The following NOVA1 variants were observed in gnomAD, a reference collection of about 807,000 sequenced individuals.
The protein encoded by NOVA1 is RNA-binding protein Nova-1.
A neutral mutation model predicts 38.0 loss-of-function variants in NOVA1; 7 were observed. That is an observed-to-expected ratio of 0.18 (90% CI 0.10 to 0.35). The LOEUF (loss-of-function observed/expected upper bound fraction) is 0.35. Among genes scored for constraint, NOVA1 ranks in the 10% least tolerant of loss-of-function variants. The pLI, the probability that NOVA1 is intolerant of heterozygous loss-of-function variation, is 1.00. For synonymous variants in NOVA1, 270 were observed against 232.5 expected (o/e 1.16, Z -1.47); for missense variants, 460 against 616.0 (o/e 0.75, Z 2.68).
At chr14:26,595,757 T>G in intron 1 of NOVA1, 1 of 501,468 alleles carries the variant, frequency 2.0e-6, no homozygotes, top group South Asian at 3.0e-5. Flanking sequence ...TTTATAGGAT[T>G]TATACTTTCA....
intron 2 of NOVA1, among the ~76,000 whole-genome samples, chr14:26,508,867 T>A (rs868319619): frequency 6.6e-5 from 10 of 151,412 alleles, no homozygotes; most frequent in South Asian, 4.2e-4. Context: ...AAAGAAAAAA[T>A]TTAATAGAAG....
chr14:26,570,079 T>C (rs552430180), intron 2 of NOVA1, among the ~76,000 whole-genome samples: 1 of 152,178 alleles, frequency 6.6e-6, no homozygotes, highest in African/African-American at 2.4e-5. Flanking sequence ...GGATGCAGTG[T>C]CTCATGCCTG....
chr14:26,586,979 C>T (rs547746431), intron 2 of NOVA1, among the ~76,000 whole-genome samples: 2 of 148,062 alleles, frequency 1.4e-5, no homozygotes, highest in East Asian at 3.9e-4. Context: ...GGACTTACTT[C>T]CTCAGAGTCA....
At chr14:26,461,543 C>G (rs1489873093) in intron 4 of NOVA1, among the ~76,000 whole-genome samples, 1 of 151,968 alleles carries the variant, frequency 6.6e-6, no homozygotes, top group Non-Finnish European at 1.5e-5. Context: ...CTAGCAAACT[C>G]AGAAGTCTGC....
At chr14:26,557,418 G>C (rs1197747318) in intron 2 of NOVA1, among the ~76,000 whole-genome samples, 1 of 152,094 alleles carries the variant, frequency 6.6e-6, no homozygotes, top group Non-Finnish European at 1.5e-5. Flanking sequence ...GCCCAGGCTT[G>C]AGTGCAGGCT....
intron 1 of NOVA1, chr14:26,597,029 G>C (rs775236546): frequency 3.0e-5 from 36 of 1,205,138 alleles, no homozygotes; most frequent in Non-Finnish European, 3.6e-5. Context: ...CCTCTGGACC[G>C]ATTAAATGGA....
chr14:26,502,872 G>T (rs1311053842), intron 2 of NOVA1, among the ~76,000 whole-genome samples: 1 of 152,002 alleles, frequency 6.6e-6, no homozygotes, highest in African/African-American at 2.4e-5. Flanking sequence ...TTCTCAAGAT[G>T]ACATTTTAGG....
At chr14:26,497,102 AG>A in intron 2 of NOVA1, among the ~76,000 whole-genome samples, 1 of 152,222 alleles carries the variant, frequency 6.6e-6, no homozygotes, top group East Asian at 1.9e-4. Flanking sequence ...GCAAAGTCTC[AG>A]GATACAAAAT....
At chr14:26,595,097 A>G (rs1325938644) in intron 2 of NOVA1, among the ~76,000 whole-genome samples, 3 of 151,986 alleles carry the variant, frequency 2.0e-5, no homozygotes, top group African/African-American at 7.2e-5. Flanking sequence ...GAAGAACCCT[A>G]TTTCCTGATG....
chr14:26,478,222 C>G (rs978348850), intron 3 of NOVA1, among the ~76,000 whole-genome samples: 5 of 151,854 alleles, frequency 3.3e-5, no homozygotes. Context: ...CTGTAAATCT[C>G]ATACTGCCAT....
chr14:26,597,387 G>A lies in NOVA1; in HGVS notation c.50C>T (p.Pro17Leu). ...IQQNGTHTGV[P>L]IDLDPPDSRK... ...CGAGTCCGGCGGGTCCAGGTCTATG[G>A]GAACCCCAGTGTGGGTCCCGTTCTG... The change falls in exon 1 of 5, where the codon CCC becomes CTC. Residue 17 changes from proline (P) to leucine (L), a missense_variant. Pro to Leu is a moderately conservative substitution (Grantham distance 98). Transcript: ENST00000539517. 1 of 1,277,868 alleles carries A rather than the reference G, an allele frequency of 7.8e-7. No individual in the cohort carries two copies. Among genetic ancestry groups the A allele is most frequent in the Non-Finnish European group, 1.0e-6 (1 of 1,003,846 alleles). The allele number at this position is 1,277,868 out of a possible 1,614,324, so 79.2% of individuals were successfully genotyped here.
chr14:26,597,514 T>TC lies in NOVA1; in HGVS notation c.-79_-78insG, dbSNP rs1326543762. On this transcript the variant is annotated 5_prime_UTR_variant, in exon 1 of 5. Coordinates refer to ENST00000539517, the MANE Select transcript of NOVA1 (RefSeq NM_002515.3). ...CTTTTTCTTTTCTTTTTTCTTTTTT[T>TC]TTTTTTTTTTTTTTTGCGTTTGGGG... 1.6e-5 allele frequency: 19 copies of TC among 1,153,942 alleles called. No individual in the cohort carries two copies. In the East Asian group the frequency reaches 3.1e-4, roughly 19 times the overall value. 71.5% of individuals were successfully genotyped at this position (1,153,942 alleles called of 1,614,324 possible). A position where few individuals can be genotyped will look rare whatever the true frequency, so the allele number is the denominator to read the frequency against.
At chr14:26,502,183 C>A (rs1452962942) in intron 2 of NOVA1, among the ~76,000 whole-genome samples, 2 of 151,622 alleles carry the variant, frequency 1.3e-5, no homozygotes, top group Non-Finnish European at 3.0e-5. Flanking sequence ...TCTTTACAGA[C>A]CCTGATGTTG....
chr14:26,518,960 C>A (rs900098035), intron 2 of NOVA1, among the ~76,000 whole-genome samples: 2 of 151,974 alleles, frequency 1.3e-5, no homozygotes, highest in Non-Finnish European at 2.9e-5. Flanking sequence ...ATCTAACATT[C>A]TATGGTACTA....
chr14:26,526,166 T>C (rs889887168), intron 2 of NOVA1, among the ~76,000 whole-genome samples: 1 of 152,106 alleles, frequency 6.6e-6, no homozygotes. Context: ...TTTGGCAGTA[T>C]TGAGGAAATC....
At chr14:26,586,047 T>A (rs1318475228) in intron 2 of NOVA1, among the ~76,000 whole-genome samples, 1 of 151,342 alleles carries the variant, frequency 6.6e-6, no homozygotes, top group Non-Finnish European at 1.5e-5. Context: ...CCACCTATGA[T>A]TAAACAATTG....
intron 2 of NOVA1, among the ~76,000 whole-genome samples, chr14:26,564,633 T>C (rs1224558856): frequency 6.6e-6 from 1 of 152,162 alleles, no homozygotes; most frequent in Non-Finnish European, 1.5e-5. Context: ...TATCAGGAAA[T>C]TGTAAAACAG....
At chr14:26,472,137 A>C in intron 4 of NOVA1, 183 bp downstream of exon 4, 1 of 518,040 alleles carries the variant, frequency 1.9e-6, no homozygotes, top group Non-Finnish European at 3.5e-6. Flanking sequence ...TGTTATCTAA[A>C]ATTAAAAATG....
rs1431540987 is a variant in NOVA1 at position 26,597,685 on chromosome 14, G to C, written c.-249C>G. 15 of 1,179,302 alleles carry C rather than the reference G, an allele frequency of 1.3e-5. No individual in the cohort carries two copies. The highest frequency in any genetic ancestry group is 1.4e-5 in the Non-Finnish European group (13 of 957,160). The allele number at this position is 1,179,302 out of a possible 1,614,324, so 73.1% of individuals were successfully genotyped here. A position where few individuals can be genotyped will look rare whatever the true frequency, so the allele number is the denominator to read the frequency against. ...TCAGAAAGGAGACAGGGGAATGGAG[G>C]GGGTGTGAGAGACGGAGGGTGAAAG... On this transcript the variant is annotated 5_prime_UTR_variant, in exon 1 of 5. Coordinates refer to ENST00000539517, the MANE Select transcript of NOVA1 (RefSeq NM_002515.3).
Sources: allele counts gnomAD v4.1 joint callset (sites outside exome capture counted in the v4.1 genomes callset), GRCh38; gene constraint gnomAD v4.1.1; transcripts MANE v1.5; gene names NCBI Gene and HGNC (gene_info 2026-07-23, HGNC 2026-07-21).